OOSP4B: variants seen among roughly 807,000 people sequenced by gnomAD.
OOSP4B encodes the protein oocyte secreted protein family member 4B, also known as oocyte-secreted protein 4B.
chr11:60,022,866 G>T (rs191846058), intron 1 of OOSP4B, among the ~76,000 whole-genome samples: 167 of 152,168 alleles, frequency 1.1e-3, no homozygotes, highest in Non-Finnish European at 1.4e-3. Context: ...AATATGAGAA[G>T]ATTGGACTCT....
At position 60,027,655 on chromosome 11, in the gene OOSP4B, T is replaced by TAAAAAAAAAAAAAAAAAAAAAAAAAAAA. The variant is rs61649958; in HGVS notation, c.303-2102_303-2101insAAAAAAAAAAAAAAAAAAAAAAAAAAAA. 8.0e-5 allele frequency among the ~76,000 whole-genome samples: 5 copies of TAAAAAAAAAAAAAAAAAAAAAAAAAAAA among 62,236 alleles called. 1 individual carries two copies. Among genetic ancestry groups the TAAAAAAAAAAAAAAAAAAAAAAAAAAAA allele is most frequent in the Non-Finnish European group, 1.0e-4 (3 of 29,862 alleles). The allele number at this position is 62,236 out of a possible 152,430, so 40.8% of individuals were successfully genotyped here. On this transcript the variant is annotated intron_variant, in intron 3 of 4. Coordinates refer to ENST00000642343, the Ensembl canonical transcript of OOSP4B. ...TCTAAGCAGGTAAAGGCTATGATAT[T>TAAAAAAAAAAAAAAAAAAAAAAAAAAAA]AAAAAAAAAAAAAAAAAAAAAAAAA...
chr11:60,022,659 G>A (rs763732384), intron 1 of OOSP4B, among the ~76,000 whole-genome samples: 1 of 152,120 alleles, frequency 6.6e-6, no homozygotes, highest in Admixed American at 6.5e-5. Context: ...AATGTCTTCT[G>A]TGGTTGGACT....
At chr11:60,026,514 C>T (rs995829250) in intron 3 of OOSP4B, among the ~76,000 whole-genome samples, 39 of 152,152 alleles carry the variant, frequency 2.6e-4, no homozygotes, top group African/African-American at 8.7e-4. Context: ...TACCTAAGTT[C>T]ATTTGCAACT....
chr11:60,020,980 G>A (rs932237344), intron 1 of OOSP4B, among the ~76,000 whole-genome samples: 9 of 152,298 alleles, frequency 5.9e-5, no homozygotes, highest in African/African-American at 1.9e-4. Flanking sequence ...TGTAACTGTG[G>A]TCTAGCCATA....
intron 3 of OOSP4B, 134 bp from the exon 4 acceptor site, chr11:60,029,648 T>A (rs141896653): frequency 5.1e-5 from 20 of 395,124 alleles, no homozygotes; most frequent in African/African-American, 3.7e-4. Flanking sequence ...TTTACTGAGC[T>A]ACTTTGCCTT....
Position 60,018,430 on chromosome 11 carries a change from A to C in OOSP4B, c.22+1017A>C, listed in dbSNP as rs529229587. Reference sequence around the variant, plus strand: ...TGCAATGTATAGCCAACAACCACAAAATCTCTTTGGTTATAATCTCAGTGA... The same window carrying C: ...TGCAATGTATAGCCAACAACCACAACATCTCTTTGGTTATAATCTCAGTGA... On this transcript the variant is annotated intron_variant, in intron 1 of 4. Coordinates refer to ENST00000642343, the Ensembl canonical transcript of OOSP4B. Among the ~76,000 whole-genome samples, 3 of 152,278 alleles carry C rather than the reference A, an allele frequency of 2.0e-5. No homozygotes were observed. In the South Asian group the frequency reaches 6.2e-4, roughly 32 times the overall value.
intron 1 of OOSP4B, among the ~76,000 whole-genome samples, chr11:60,019,264 A>G (rs1043105694): frequency 6.6e-6 from 1 of 152,160 alleles, no homozygotes; most frequent in Non-Finnish European, 1.5e-5. Flanking sequence ...CTGTAATCCC[A>G]ACACTTTGGG....
intron 3 of OOSP4B, 96 bp downstream of exon 3, chr11:60,025,101 A>T (rs1324269826): frequency 2.5e-6 from 1 of 395,030 alleles, no homozygotes; most frequent in Admixed American, 4.4e-5. Flanking sequence ...CCCTGGAGGG[A>T]TGTGTATGGC....
At chr11:60,021,707 T>A (rs1238335161) in intron 1 of OOSP4B, 1 of 152,220 alleles carries the variant, frequency 6.6e-6, no homozygotes, top group Non-Finnish European at 1.5e-5. Context: ...ATAGGCCGGG[T>A]GCCATGGCTC....
chr11:60,025,451 G>A (rs981138914), intron 3 of OOSP4B, among the ~76,000 whole-genome samples: 1 of 152,212 alleles, frequency 6.6e-6, no homozygotes, highest in Admixed American at 6.5e-5. Flanking sequence ...GCTGCAGAAA[G>A]TGGATCTTCC....
At chr11:60,024,033 C>T in exon 2 of OOSP4B, 1 of 398,540 alleles carries the variant, frequency 2.5e-6, no homozygotes, top group East Asian at 3.6e-5. Flanking sequence ...TTTTCTTATC[C>T]TGTCACTTCT....
intron 3 of OOSP4B, among the ~76,000 whole-genome samples, chr11:60,028,920 C>T (rs959309477): frequency 1.1e-4 from 16 of 151,950 alleles, no homozygotes; most frequent in African/African-American, 3.4e-4. Context: ...TGGTGCTGGC[C>T]GTCTTAAGGG....
chr11:60,019,090 G>T (rs1262910386), intron 1 of OOSP4B, among the ~76,000 whole-genome samples: 1 of 152,104 alleles, frequency 6.6e-6, no homozygotes, highest in Non-Finnish European at 1.5e-5. Context: ...GGGCATGGTG[G>T]TGCGTGCCTG....
intron 1 of OOSP4B, among the ~76,000 whole-genome samples, chr11:60,023,271 C>T (rs1854712588): frequency 6.6e-6 from 1 of 151,978 alleles, no homozygotes; most frequent in Non-Finnish European, 1.5e-5. Flanking sequence ...GAAGTGTGGC[C>T]AATTTGAATT....
chr11:60,026,357 C>T (rs1854746275), intron 3 of OOSP4B, among the ~76,000 whole-genome samples: 1 of 152,182 alleles, frequency 6.6e-6, no homozygotes, highest in South Asian at 2.1e-4. Context: ...ATAGGGACAT[C>T]CTGTTGATAC....
intron 1 of OOSP4B, among the ~76,000 whole-genome samples, chr11:60,018,453 T>C (rs985642946): frequency 6.6e-6 from 1 of 152,196 alleles, no homozygotes. Context: ...ATAATCTCAG[T>C]GAGGCTGAGT....
intron 1 of OOSP4B, among the ~76,000 whole-genome samples, chr11:60,020,428 G>A (rs564855054): frequency 3.3e-5 from 5 of 152,198 alleles, no homozygotes; most frequent in Non-Finnish European, 7.4e-5. Flanking sequence ...AAGGCCTAGC[G>A]AGAAGTCGAG....
At chr11:60,028,010 G>T (rs971743671) in intron 3 of OOSP4B, among the ~76,000 whole-genome samples, 19 of 151,362 alleles carry the variant, frequency 1.3e-4, no homozygotes, top group Non-Finnish European at 2.4e-4. Flanking sequence ...TGGAGTCAAG[G>T]CAATGAGCAT....
At chr11:60,028,949 T>C (rs952284829) in intron 3 of OOSP4B, among the ~76,000 whole-genome samples, 3 of 151,412 alleles carry the variant, frequency 2.0e-5, no homozygotes, top group East Asian at 1.9e-4. Context: ...GCAGATGGGA[T>C]TGAACTATAT....
Sources: allele counts gnomAD v4.1 joint callset (sites outside exome capture counted in the v4.1 genomes callset), GRCh38; gene constraint gnomAD v4.1.1; transcripts MANE v1.5; gene names NCBI Gene and HGNC (gene_info 2026-07-23, HGNC 2026-07-21).